Variants in PABPC4L observed in about 807,000 individuals in gnomAD.
PABPC4L encodes polyadenylate-binding protein 4-like.
For synonymous variants in PABPC4L, 169 were observed against 164.1 expected (o/e 1.03, Z -0.23); for missense variants, 452 against 451.4 (o/e 1.00, Z -0.01).
At chr4:134,137,967 G>A in the PABPC4L span, among the ~76,000 whole-genome samples, 1 of 151,648 alleles carries the variant, frequency 6.6e-6, no homozygotes, top group Non-Finnish European at 1.5e-5. Context: ...GCCCATATGT[G>A]AGAAATTCCA....
chr4:134,181,029 G>T, the PABPC4L span, among the ~76,000 whole-genome samples: 1 of 151,668 alleles, frequency 6.6e-6, no homozygotes, highest in African/African-American at 2.4e-5. Flanking sequence ...AACTCTACGA[G>T]GTCAGCATCA....
At chr4:133,954,028 A>C in the PABPC4L span, among the ~76,000 whole-genome samples, 2 of 152,254 alleles carry the variant, frequency 1.3e-5, no homozygotes, top group East Asian at 3.9e-4. Context: ...TCTGAGAGGG[A>C]ACCTGTTAGA....
At chr4:134,013,135 C>A in the PABPC4L span, among the ~76,000 whole-genome samples, 2 of 151,950 alleles carry the variant, frequency 1.3e-5, no homozygotes, top group Non-Finnish European at 2.9e-5. Context: ...TGTGTCTCTA[C>A]CCCTTCTCCG....
the PABPC4L span, among the ~76,000 whole-genome samples, chr4:134,002,541 T>C: frequency 5.1e-4 from 77 of 152,088 alleles, no homozygotes; most frequent in Middle Eastern, 0.014. Context: ...TTTTTTATTG[T>C]TGTTTTGTTT....
At chr4:134,087,810 C>G in the PABPC4L span, among the ~76,000 whole-genome samples, 2 of 152,114 alleles carry the variant, frequency 1.3e-5, no homozygotes, top group Non-Finnish European at 2.9e-5. Context: ...TCCTCCTGGC[C>G]TTTTCCCTCT....
the PABPC4L span, among the ~76,000 whole-genome samples, chr4:134,112,112 C>T: frequency 1.6e-4 from 25 of 151,682 alleles, 1 homozygote; most frequent in East Asian, 1.6e-3. Context: ...GCAATATAGT[C>T]ATTAGTGAAG....
chr4:134,106,929 A>T, the PABPC4L span, among the ~76,000 whole-genome samples: 1 of 151,494 alleles, frequency 6.6e-6, no homozygotes, highest in Non-Finnish European at 1.5e-5. Context: ...TCATGAGCAT[A>T]CAGAGCATTG....
At chr4:134,082,659 C>G in the PABPC4L span, among the ~76,000 whole-genome samples, 1 of 152,050 alleles carries the variant, frequency 6.6e-6, no homozygotes, top group Non-Finnish European at 1.5e-5. Context: ...AGTCTCCTTG[C>G]TGAGAATTGA....
At chr4:134,179,210 A>G in the PABPC4L span, among the ~76,000 whole-genome samples, 2 of 152,060 alleles carry the variant, frequency 1.3e-5, no homozygotes, top group Admixed American at 6.6e-5. Flanking sequence ...GTCAACAGAA[A>G]CTCTATGAGC....
At chr4:134,109,056 T>A in the PABPC4L span, among the ~76,000 whole-genome samples, 1 of 151,932 alleles carries the variant, frequency 6.6e-6, no homozygotes, top group Admixed American at 6.6e-5. Flanking sequence ...AAAAACTTTA[T>A]GTAACCCTAA....
Position 134,197,761 on chromosome 4 carries a change from A to G in PABPC4L, c.*2146T>C, listed in dbSNP as rs1199422268. 2.6e-5 allele frequency: 4 copies of G among 151,746 alleles called. No homozygotes were observed. The highest frequency in any genetic ancestry group is 1.3e-4 in the Admixed American group (2 of 15,234). 9.4% of individuals were successfully genotyped at this position (151,746 alleles called of 1,614,324 possible). A position where few individuals can be genotyped will look rare whatever the true frequency, so the allele number is the denominator to read the frequency against. On this transcript the variant is annotated 3_prime_UTR_variant, in exon 2 of 2. Coordinates refer to ENST00000421491, the MANE Select transcript of PABPC4L (RefSeq NM_001114734.2). Reference sequence around the variant, plus strand: ...GCAATGATGAAATGGTTTGTTTTACATATCATGTTGAATTGACCAACAGCT... The same window carrying G: ...GCAATGATGAAATGGTTTGTTTTACGTATCATGTTGAATTGACCAACAGCT...
chr4:134,050,355 C>T, the PABPC4L span, among the ~76,000 whole-genome samples: 2 of 152,168 alleles, frequency 1.3e-5, no homozygotes, highest in African/African-American at 4.8e-5. Context: ...TATCTTGACA[C>T]ATCAAGTAAT....
chr4:133,969,601 C>G, the PABPC4L span, among the ~76,000 whole-genome samples: 3 of 152,330 alleles, frequency 2.0e-5, no homozygotes, highest in African/African-American at 7.2e-5. Context: ...GACTCAATGA[C>G]TGCATCAATG....
the PABPC4L span, among the ~76,000 whole-genome samples, chr4:134,014,615 T>A: frequency 6.6e-6 from 1 of 152,132 alleles, no homozygotes; most frequent in African/African-American, 2.4e-5. Context: ...GACTGACTCC[T>A]TCCCAGATCT....
the PABPC4L span, among the ~76,000 whole-genome samples, chr4:134,141,706 T>A: frequency 6.6e-6 from 1 of 151,670 alleles, no homozygotes; most frequent in Non-Finnish European, 1.5e-5. Flanking sequence ...TTCACTTTTA[T>A]CTTTTCTATA....
the PABPC4L span, among the ~76,000 whole-genome samples, chr4:134,018,379 G>A: frequency 6.6e-6 from 1 of 152,130 alleles, no homozygotes; most frequent in Non-Finnish European, 1.5e-5. Context: ...TGATGCGCAT[G>A]AAAATGGTAT....
chr4:134,184,590 T>C, the PABPC4L span, among the ~76,000 whole-genome samples: 1 of 152,044 alleles, frequency 6.6e-6, no homozygotes, highest in Non-Finnish European at 1.5e-5. Flanking sequence ...TTTGTTTTAG[T>C]GCTGAATATT....
chr4:134,063,088 C>T, the PABPC4L span, among the ~76,000 whole-genome samples: 11 of 151,978 alleles, frequency 7.2e-5, no homozygotes, highest in Admixed American at 3.9e-4. Context: ...AAGGCTTTAG[C>T]GAGCAACTGA....
chr4:133,963,215 T>G, the PABPC4L span, among the ~76,000 whole-genome samples: 1 of 152,010 alleles, frequency 6.6e-6, no homozygotes, highest in Non-Finnish European at 1.5e-5. Flanking sequence ...AAAACAAACT[T>G]TAAAGCAACA....
Sources: gnomAD v4.1 joint callset for allele counts (sites outside exome capture counted in the v4.1 genomes callset) on GRCh38, gnomAD v4.1.1 for gene constraint, MANE v1.5 for transcripts, NCBI Gene and HGNC (gene_info 2026-07-23, HGNC 2026-07-21) for gene names.